SPAG16: variants seen among roughly 807,000 people sequenced by gnomAD.
SPAG16 encodes the protein sperm associated antigen 16, also known as sperm-associated antigen 16 protein.
In SPAG16, 86 loss-of-function variants were observed where a neutral mutation model predicts 80.4. That is an observed-to-expected ratio of 1.07 (90% CI 0.90 to 1.28). The LOEUF is 1.28. Ranked by LOEUF, SPAG16 falls within the 50% of genes most tolerant of loss-of-function variation. SPAG16 has a pLI of 0.00. For missense variants in SPAG16, 870 were observed against 765.3 expected (o/e 1.14, Z -1.61); for synonymous variants, 294 against 265.9 (o/e 1.11, Z -1.03).
intron 9 of SPAG16, among the ~76,000 whole-genome samples, chr2:213,385,941 T>A (rs2067407745): frequency 6.6e-6 from 1 of 152,180 alleles, no homozygotes; most frequent in African/African-American, 2.4e-5. Context: ...TTTGCTGATA[T>A]CTTTAAATTT....
At chr2:213,670,559 A>G (rs1320724153) in intron 10 of SPAG16, among the ~76,000 whole-genome samples, 1 of 152,072 alleles carries the variant, frequency 6.6e-6, no homozygotes, top group Non-Finnish European at 1.5e-5. Flanking sequence ...GACTTTTCAA[A>G]ATCAAACTTT....
intron 10 of SPAG16, among the ~76,000 whole-genome samples, chr2:213,712,955 G>C (rs899093335): frequency 1.1e-4 from 17 of 152,070 alleles, no homozygotes. Flanking sequence ...GAGGTTTAAT[G>C]GACTCACAGT....
chr2:213,463,558 C>G (rs575561887), intron 9 of SPAG16, among the ~76,000 whole-genome samples: 1 of 152,278 alleles, frequency 6.6e-6, no homozygotes, highest in Non-Finnish European at 1.5e-5. Flanking sequence ...CTAGGTACAG[C>G]TCAGGCTGTG....
chr2:213,947,627 G>A (rs2079533420), intron 12 of SPAG16, among the ~76,000 whole-genome samples: 1 of 151,700 alleles, frequency 6.6e-6, no homozygotes, highest in Non-Finnish European at 1.5e-5. Context: ...ATTTTTTTTG[G>A]CTTACAAATT....
At chr2:213,505,334 T>C (rs1243798852) in intron 10 of SPAG16, among the ~76,000 whole-genome samples, 1 of 152,192 alleles carries the variant, frequency 6.6e-6, no homozygotes, top group Non-Finnish European at 1.5e-5. Context: ...TTTGTTTTTC[T>C]TTTTTAAATT....
chr2:213,312,587 C>G (rs2063240048), intron 4 of SPAG16, among the ~76,000 whole-genome samples: 1 of 151,276 alleles, frequency 6.6e-6, no homozygotes. Flanking sequence ...TTTTTTCTTT[C>G]TTCACCTTTT....
At chr2:213,633,198 A>G (rs2062223293) in intron 10 of SPAG16, among the ~76,000 whole-genome samples, 1 of 152,076 alleles carries the variant, frequency 6.6e-6, no homozygotes, top group African/African-American at 2.4e-5. Context: ...CATTCCTGGT[A>G]GGTTGTACGT....
intron 10 of SPAG16, among the ~76,000 whole-genome samples, chr2:213,693,017 A>G (rs2065010378): frequency 6.6e-6 from 1 of 152,216 alleles, no homozygotes; most frequent in Non-Finnish European, 1.5e-5. Flanking sequence ...TGGAATCTTT[A>G]TTACAAAAGA....
At chr2:213,980,725 T>TATATATATATATATATCGAG (rs374274176) in intron 12 of SPAG16, among the ~76,000 whole-genome samples, 1 of 104,028 alleles carries the variant, frequency 9.6e-6, no homozygotes, top group African/African-American at 5.0e-5. Context: ...TATATATATA[T>TATATATATATATATATCGAG]AGAGAGAGAG....
At chr2:214,041,382 GT>G (rs1410274792) in intron 13 of SPAG16, among the ~76,000 whole-genome samples, 1 of 149,668 alleles carries the variant, frequency 6.7e-6, no homozygotes, top group Non-Finnish European at 1.5e-5. Context: ...TCTTTTTGTA[GT>G]TTTTAATAAA....
intron 13 of SPAG16, among the ~76,000 whole-genome samples, chr2:214,078,246 A>C (rs1478781827): frequency 2.0e-5 from 3 of 152,156 alleles, no homozygotes; most frequent in African/African-American, 7.2e-5. Context: ...AAAGATTAAA[A>C]GTATAGTCAT....
intron 10 of SPAG16, among the ~76,000 whole-genome samples, chr2:213,583,138 A>G (rs1008527496): frequency 1.3e-5 from 2 of 152,160 alleles, no homozygotes; most frequent in African/African-American, 2.4e-5. Context: ...AAGTATATAT[A>G]GTATATTGAT....
chr2:213,876,610 T>C, intron 11 of SPAG16, among the ~76,000 whole-genome samples: 1 of 152,186 alleles, frequency 6.6e-6, no homozygotes, highest in East Asian at 1.9e-4. Context: ...ACGACGTAAG[T>C]CTGGAAAAGA....
chr2:213,324,138 A>T (rs2063745032), intron 5 of SPAG16, among the ~76,000 whole-genome samples: 1 of 152,120 alleles, frequency 6.6e-6, no homozygotes, highest in Non-Finnish European at 1.5e-5. Flanking sequence ...CTTACCATAT[A>T]CTCAAAGAAA....
intron 10 of SPAG16, among the ~76,000 whole-genome samples, chr2:213,755,236 T>C (rs1320782392): frequency 6.6e-6 from 1 of 152,228 alleles, no homozygotes; most frequent in Non-Finnish European, 1.5e-5. Context: ...AATCCATGCA[T>C]CACAGTTTAG....
chr2:214,096,159 A>G (rs1478212164), intron 13 of SPAG16, among the ~76,000 whole-genome samples: 1 of 151,766 alleles, frequency 6.6e-6, no homozygotes, highest in African/African-American at 2.4e-5. Flanking sequence ...GAACTTTAAT[A>G]TTTATTTGTA....
chr2:213,409,515 A>G (rs1335917303), intron 9 of SPAG16, among the ~76,000 whole-genome samples: 2 of 152,226 alleles, frequency 1.3e-5, no homozygotes, highest in African/African-American at 4.8e-5. Context: ...TGAACTGGAC[A>G]GTAAAAGCAT....
In SPAG16 at chr2:213,930,064, G is replaced by A. The variant is rs776990798; in HGVS notation, c.1319G>A (p.Trp440Ter). ...TTTGAAGGACACAGCCGCGCAGTGT[G>A]GTCCTGCACATGGCACTCCTGCGGC... is the stretch of plus-strand genomic sequence containing the variant. ...LTFEGHSRAV[W>*]SCTWHSCGNF... is the part of the protein sequence containing the mutation. Residue 440 changes from tryptophan to a stop codon, truncating the protein, a stop_gained, in exon 12 of 16, where the codon TGG becomes TAG. Coordinates refer to ENST00000331683, the MANE Select transcript of SPAG16 (RefSeq NM_024532.5). LOFTEE classifies it high-confidence loss of function. 3.1e-6 allele frequency: 5 copies of A among 1,614,086 alleles called. No homozygotes were observed. In the South Asian group the frequency reaches 4.4e-5, roughly 14 times the overall value.
At chr2:213,356,976 G>A (rs182338940) in intron 7 of SPAG16, among the ~76,000 whole-genome samples, 33 of 152,070 alleles carry the variant, frequency 2.2e-4, no homozygotes, top group African/African-American at 6.7e-4. Context: ...TTCAAAGAAC[G>A]TCTTTATTTC....
Sources: gnomAD v4.1 joint callset for allele counts (sites outside exome capture counted in the v4.1 genomes callset) on GRCh38, gnomAD v4.1.1 for gene constraint, MANE v1.5 for transcripts, NCBI Gene and HGNC (gene_info 2026-07-23, HGNC 2026-07-21) for gene names.